The following GLCCI1 variants were observed in gnomAD, a reference collection of about 807,000 sequenced individuals.
GLCCI1 encodes glucocorticoid-induced transcript 1 protein.
In GLCCI1, 24 loss-of-function variants were observed where a neutral mutation model predicts 52.2. The ratio of observed to expected loss-of-function variants is 0.46; its 90% CI spans 0.33 to 0.65. The LOEUF is 0.65. Ranked by LOEUF, GLCCI1 falls within the 30% of genes least tolerant of loss-of-function variation. The pLI, the probability that GLCCI1 is intolerant of heterozygous loss-of-function variation, is 0.02. For synonymous variants in GLCCI1, 310 were observed against 276.5 expected (o/e 1.12, Z -1.20); for missense variants, 704 against 701.5 (o/e 1.00, Z -0.04).
intron 5 of GLCCI1, among the ~76,000 whole-genome samples, chr7:8,068,065 A>T (rs979132717): frequency 4.6e-5 from 7 of 152,148 alleles, no homozygotes; most frequent in African/African-American, 1.2e-4. Flanking sequence ...TTTAAAAAAA[A>T]TTTTGGCTAG....
At chr7:8,011,306 T>G (rs1781257821) in intron 2 of GLCCI1, among the ~76,000 whole-genome samples, 1 of 152,130 alleles carries the variant, frequency 6.6e-6, no homozygotes, top group South Asian at 2.1e-4. Context: ...CTCTCCATCC[T>G]CCCCACCACA....
chr7:8,006,323 C>T (rs1268756214), intron 2 of GLCCI1, among the ~76,000 whole-genome samples: 1 of 152,028 alleles, frequency 6.6e-6, no homozygotes, highest in East Asian at 1.9e-4. Flanking sequence ...TTGGAGAGTG[C>T]AGTATTGGAG....
At chr7:8,079,417 C>T (rs73250134) in intron 6 of GLCCI1, among the ~76,000 whole-genome samples, 21,657 of 150,254 alleles carry the variant, frequency 0.14, 1,940 homozygotes, top group East Asian at 0.26. Context: ...TTTGTGCAAT[C>T]CAATTTATTT....
chr7:7,989,239 C>G (rs1780794162), intron 1 of GLCCI1, among the ~76,000 whole-genome samples: 1 of 151,868 alleles, frequency 6.6e-6, no homozygotes, highest in Admixed American at 6.6e-5. Flanking sequence ...GAAGGTAGTC[C>G]ACTAGCTGAT....
chr7:8,065,667 T>C (rs1782616429), intron 5 of GLCCI1, among the ~76,000 whole-genome samples: 1 of 152,210 alleles, frequency 6.6e-6, no homozygotes, highest in Admixed American at 6.5e-5. Flanking sequence ...AATTATGTGG[T>C]TTCCGTTTTT....
chr7:8,022,106 A>G (rs777527785), intron 2 of GLCCI1, among the ~76,000 whole-genome samples: 5 of 152,176 alleles, frequency 3.3e-5, no homozygotes, highest in African/African-American at 4.8e-5. Context: ...CTTTTGAGAT[A>G]CTTTTGTTCA....
Position 8,087,629 on chromosome 7 carries a change from T to G in GLCCI1, c.*1091T>G, listed in dbSNP as rs1395987484. On this transcript the variant is annotated 3_prime_UTR_variant, in exon 8 of 8. Coordinates refer to ENST00000223145, the MANE Select transcript of GLCCI1 (RefSeq NM_138426.4). ...CCTTGGAAATTCTTTATTTTGCAGG[T>G]GAAAAAGTGACATACTTTTTGTTAT... 6.6e-6 allele frequency: 1 copy of G among 152,558 alleles called. No homozygotes were observed. Among genetic ancestry groups the G allele is most frequent in the African/African-American group, 2.4e-5 (1 of 41,462 alleles). 9.5% of individuals were successfully genotyped at this position (152,558 alleles called of 1,614,324 possible).
rs115305805 is a variant in GLCCI1 at position 7,998,755 on chromosome 7, A to C, written c.458-5153A>C. Among the ~76,000 whole-genome samples, 1,111 of 152,216 alleles carry C rather than the reference A, an allele frequency of 7.3e-3. 19 individuals are homozygous for C. The highest frequency in any genetic ancestry group is 0.025 in the African/African-American group (1,046 of 41,522). On this transcript the variant is annotated intron_variant, in intron 1 of 7. Transcript: ENST00000223145. ...TTTGAAGGAGCTGACTACATGTTTA[A>C]ATTTATTAGATCTAAAAGTTTAGCT...
intron 1 of GLCCI1, among the ~76,000 whole-genome samples, chr7:7,972,527 G>A (rs1298256509): frequency 6.6e-6 from 1 of 152,170 alleles, no homozygotes; most frequent in East Asian, 1.9e-4. Flanking sequence ...CATCTGGAGT[G>A]ATGATTATAG....
chr7:8,001,261 T>A (rs1781044629), intron 1 of GLCCI1, among the ~76,000 whole-genome samples: 1 of 152,184 alleles, frequency 6.6e-6, no homozygotes, highest in Non-Finnish European at 1.5e-5. Flanking sequence ...CAACATTTGC[T>A]TATCTGTAAA....
chr7:8,031,598 C>A (rs1781750128), intron 3 of GLCCI1, among the ~76,000 whole-genome samples: 1 of 152,046 alleles, frequency 6.6e-6, no homozygotes, highest in Non-Finnish European at 1.5e-5. Flanking sequence ...GATAGATACC[C>A]AGTTTACTCT....
chr7:7,972,474 G>A (rs1295814462), intron 1 of GLCCI1, among the ~76,000 whole-genome samples: 3 of 152,130 alleles, frequency 2.0e-5, no homozygotes, highest in South Asian at 2.1e-4. Context: ...TGGGCATTTC[G>A]ACTAAAGGTG....
chr7:8,070,195 A>T (rs189855296), intron 5 of GLCCI1: 25 of 152,338 alleles, frequency 1.6e-4, no homozygotes, highest in African/African-American at 5.5e-4. Flanking sequence ...AGACCAAAAT[A>T]TGTGGCTCTA....
chr7:7,972,342 TGC>T (rs58769447), intron 1 of GLCCI1, among the ~76,000 whole-genome samples: 6 of 152,134 alleles, frequency 3.9e-5, no homozygotes, highest in East Asian at 1.9e-4. Flanking sequence ...TGTGTGTGTG[TGC>T]GCGCAAGAGG....
intron 1 of GLCCI1, among the ~76,000 whole-genome samples, chr7:8,001,915 G>A (rs1301726921): frequency 3.3e-5 from 5 of 152,154 alleles, no homozygotes; most frequent in African/African-American, 1.2e-4. Context: ...TTGGACACAG[G>A]AAGGGGAACA....
intron 6 of GLCCI1, 134 bp downstream of exon 6, chr7:8,071,265 T>C: frequency 1.4e-5 from 10 of 712,412 alleles, no homozygotes; most frequent in Admixed American, 2.9e-5. Context: ...TCTAGGTTTC[T>C]TTGTTCATTG....
chr7:7,978,893 G>C (rs916309692), intron 1 of GLCCI1, among the ~76,000 whole-genome samples: 7 of 152,128 alleles, frequency 4.6e-5, no homozygotes, highest in Non-Finnish European at 1.0e-4. Flanking sequence ...AAATATCATA[G>C]TAAAATATAG....
chr7:7,981,322 C>T, intron 1 of GLCCI1: 1 of 241,984 alleles, frequency 4.1e-6, no homozygotes, highest in Admixed American at 6.2e-5. Flanking sequence ...GTCTCTCTTT[C>T]TTTCTTTCTT....
At chr7:8,073,209 A>G (rs1050994953) in intron 6 of GLCCI1, among the ~76,000 whole-genome samples, 1 of 152,168 alleles carries the variant, frequency 6.6e-6, no homozygotes, top group Non-Finnish European at 1.5e-5. Context: ...ATTAATTCTC[A>G]AAGATTTAAT....
Sources: gnomAD v4.1 joint callset for allele counts (sites outside exome capture counted in the v4.1 genomes callset) on GRCh38, gnomAD v4.1.1 for gene constraint, MANE v1.5 for transcripts, NCBI Gene and HGNC (gene_info 2026-07-23, HGNC 2026-07-21) for gene names.